The following MEGF8 variants were observed in gnomAD, a reference collection of about 807,000 sequenced individuals.
The protein encoded by MEGF8 is multiple EGF like domains 8, also known as multiple epidermal growth factor-like domains protein 8.
MEGF8 carries 156 observed loss-of-function variants against 302.9 expected under a neutral mutation model. The ratio of observed to expected loss-of-function variants is 0.52; its 90% CI spans 0.45 to 0.59. MEGF8 has a LOEUF of 0.59. MEGF8 is among the 20% of genes least tolerant of loss of function. The pLI, the probability that MEGF8 is intolerant of heterozygous loss-of-function variation, is 0.00. For missense variants in MEGF8, 3,345 were observed against 3,964.5 expected (o/e 0.84, Z 4.20); for synonymous variants, 1,621 against 1,660.5 (o/e 0.98, Z 0.58).
intron 9 of MEGF8, 86 bp from the exon 10 acceptor site, chr19:42,343,868 G>A: frequency 6.6e-7 from 1 of 1,518,214 alleles, no homozygotes. Context: ...GCTAAAGCAA[G>A]CGGGGACTTG....
rs1247208372 is a variant in MEGF8 at position 42,370,177 on chromosome 19, C to T, written c.6835-12C>T. On this transcript the variant is annotated splice_polypyrimidine_tract_variant and intron_variant, in intron 38 of 41. Coordinates refer to ENST00000251268, the MANE Select transcript of MEGF8 (RefSeq NM_001271938.2). ...CTCCAGCCTCTCTAACTACCCTGTC[C>T]TGGGTTCTCAGGGCAGCCACTGTGA... 1 of 1,608,040 alleles carries T rather than the reference C, an allele frequency of 6.2e-7. No individual in the cohort carries two copies.
In MEGF8 at chr19:42,353,944, G is replaced by A. The variant is rs761406257; in HGVS notation, c.3931G>A (p.Glu1311Lys). ...YCVWVVSATE[E>K]LQPCAPGTLC... Reference sequence around the variant, plus strand: ...TGTGTGGGTTGTCTCGGCCACTGAGGAGCTACAGCCCTGTGCTCCCGGGAC... The same window carrying A: ...TGTGTGGGTTGTCTCGGCCACTGAGAAGCTACAGCCCTGTGCTCCCGGGAC... Residue 1311 changes from glutamate to lysine, a missense_variant, in exon 22 of 42, where the codon GAG (glutamate) becomes AAG (lysine). Physicochemically the swap from Glu to Lys is moderately conservative, Grantham distance 56. Transcript: ENST00000251268. This position sits in a 1 kb window ranked among gnomAD's most constrained non-coding sequence, Gnocchi z 6.1. 1 of 1,585,310 alleles carries A rather than the reference G, an allele frequency of 6.3e-7. No homozygotes were observed. The highest frequency in any genetic ancestry group is 8.6e-7 in the Non-Finnish European group (1 of 1,166,168).
At chr19:42,326,480 T>G (rs2038985527) in intron 1 of MEGF8, 50 bp downstream of exon 1, 1 of 1,483,528 alleles carries the variant, frequency 6.7e-7, no homozygotes, top group Admixed American at 2.9e-5. Context: ...AGTTCATTCA[T>G]GTGTGCATTC....
chr19:42,356,970 C>T lies in MEGF8; in HGVS notation c.4819C>T (p.Arg1607Trp), dbSNP rs778751036. The T allele has an allele frequency of 3.3e-5, 53 of 1,600,762 alleles. No individual in the cohort carries two copies. Among genetic ancestry groups the T allele is most frequent in the Non-Finnish European group, 4.3e-5 (50 of 1,174,280 alleles). Reference sequence around the variant, plus strand: ...CCTCAACCTCACCACCCTGCAATGGCGGCAGGAGAAGGTGAGCATCTCTCC... The same window carrying T: ...CCTCAACCTCACCACCCTGCAATGGTGGCAGGAGAAGGTGAGCATCTCTCC... ...WVLNLTTLQW[R>W]QEKAPQTVEL... Residue 1607 changes from arginine to tryptophan, a missense_variant, in exon 27 of 42, where the codon CGG becomes TGG. Transcript: ENST00000251268. This position sits in a 1 kb window ranked among gnomAD's most constrained non-coding sequence, Gnocchi z 5.2.
intron 8 of MEGF8, among the ~76,000 whole-genome samples, chr19:42,340,049 T>G (rs945497012): frequency 7.2e-5 from 11 of 152,056 alleles, no homozygotes; most frequent in Admixed American, 1.3e-4. Flanking sequence ...CAGAGTGAGA[T>G]TCCGTCCCCA....
At position 42,378,514 on chromosome 19, in the gene MEGF8, C is replaced by G. The variant is rs2304211; in HGVS notation, c.*1739C>G. On this transcript the variant is annotated 3_prime_UTR_variant, in exon 42 of 42. Coordinates refer to ENST00000251268, the MANE Select transcript of MEGF8 (RefSeq NM_001271938.2). ...AGGCGCCACCCCGCACCTGAGCCAC[C>G]TCCTTGGACTCCTGTCCTCTACCCC... 6.5e-6 allele frequency: 1 copy of G among 153,908 alleles called. No individual in the cohort carries two copies. The highest frequency in any genetic ancestry group is 2.4e-5 in the African/African-American group (1 of 41,440). 9.5% of individuals were successfully genotyped at this position (153,908 alleles called of 1,614,324 possible).
At chr19:42,340,492 G>A (rs1394630174) in intron 8 of MEGF8, among the ~76,000 whole-genome samples, 1 of 152,172 alleles carries the variant, frequency 6.6e-6, no homozygotes, top group Non-Finnish European at 1.5e-5. Flanking sequence ...GCCTCCCAAA[G>A]TGCTGGGATT....
rs779928251 is a variant in MEGF8, at chr19:42,336,016, A to G, written c.914A>G (p.Asn305Ser). The G allele has an allele frequency of 3.2e-6, 5 of 1,554,606 alleles. No homozygotes were observed. In the South Asian group the frequency reaches 5.9e-5, roughly 18 times the overall value. ...GAGCTGGCTGACGGCTCGCTCACCA[A>G]CGACGTGTGGGCCTTCAGTCCACTG... ...GGELADGSLT[N>S]DVWAFSPLGR... The change falls in exon 6 of 42, where the codon AAC becomes AGC. Residue 305 changes from asparagine to serine, a missense_variant. Transcript: ENST00000251268. The surrounding 1 kb of genome is among the most constrained non-coding windows in gnomAD (Gnocchi z 4.8).
intron 35 of MEGF8, among the ~76,000 whole-genome samples, chr19:42,366,219 G>A (rs1463996778): frequency 6.6e-6 from 1 of 151,706 alleles, no homozygotes; most frequent in Non-Finnish European, 1.5e-5. Context: ...TTCTTTTTTT[G>A]AAACAGAGTC....
intron 35 of MEGF8, 108 bp downstream of exon 35, chr19:42,363,370 C>T (rs1044579420): frequency 2.3e-5 from 22 of 948,116 alleles, no homozygotes; most frequent in Non-Finnish European, 3.4e-5. Flanking sequence ...CTCCTCCTTC[C>T]ATCTCCCTGG....
chr19:42,342,537 T>C (rs751002113), intron 8 of MEGF8, among the ~76,000 whole-genome samples: 1 of 151,552 alleles, frequency 6.6e-6, no homozygotes, highest in Non-Finnish European at 1.5e-5. Flanking sequence ...CTTGGGAGGC[T>C]GAGGCAGGAG....
Position 42,353,827 on chromosome 19 carries a change from G to T in MEGF8, c.3814G>T (p.Val1272Leu), listed in dbSNP as rs770399527. 3.1e-6 allele frequency: 5 copies of T among 1,611,558 alleles called. No homozygotes were observed. The South Asian group carries it at 4.4e-5, about 14-fold the overall frequency. The change falls in exon 22 of 42, where the codon GTG becomes TTG. Residue 1272 changes from valine (V) to leucine (L), a missense_variant. By Grantham distance (32) the Val-to-Leu change is conservative. Transcript: ENST00000251268. The surrounding 1 kb of genome is among the most constrained non-coding windows in gnomAD (Gnocchi z 6.1). ...ECGGRALLTN[V>L]SSVALGSRRV... is the part of the protein sequence containing the mutation. The stretch of plus-strand genomic sequence containing the variant: ...TGGGGGTCGCGCCCTCCTCACCAAC[G>T]TGTCCTCAGTGGCACTGGGCTCACG...
Position 42,358,710 on chromosome 19 carries a change from A to G in MEGF8, c.5176-77A>G. 6.9e-7 allele frequency: 1 copy of G among 1,447,432 alleles called. No homozygotes were observed. Among genetic ancestry groups the G allele is most frequent in the Non-Finnish European group, 9.1e-7 (1 of 1,095,508 alleles). 89.7% of individuals were successfully genotyped at this position (1,447,432 alleles called of 1,614,324 possible). On this transcript the variant is annotated intron_variant, in intron 29 of 41. Transcript: ENST00000251268. This position sits in a 1 kb window ranked among gnomAD's most constrained non-coding sequence, Gnocchi z 4.4. ...GGTGGTTTCAGTCCACACGTTTCCA[A>G]GCCCGTCTTGGAGGCAGGGGGCTAG...
rs1268786153 is a variant in MEGF8, at chr19:42,356,319, C to T, written c.4504-16C>T. ...CTGACCCTAGCCTGATCCCCAATGT[C>T]CGCACCCACCCCTAGGACACTGCCA... On this transcript the variant is annotated splice_polypyrimidine_tract_variant and intron_variant, in intron 25 of 41. Coordinates refer to ENST00000251268, the MANE Select transcript of MEGF8 (RefSeq NM_001271938.2). This position sits in a 1 kb window ranked among gnomAD's most constrained non-coding sequence, Gnocchi z 5.2. The T allele has an allele frequency of 1.2e-6, 2 of 1,606,508 alleles. No individual in the cohort carries two copies. The highest frequency in any genetic ancestry group is 1.7e-5 in the Admixed American group (1 of 58,960).
chr19:42,360,634 C>T (rs1414644965), intron 31 of MEGF8, 141 bp from the exon 32 acceptor site: 21 of 1,459,288 alleles, frequency 1.4e-5, no homozygotes, highest in East Asian at 2.5e-5. Flanking sequence ...TGTGAGCCAC[C>T]GCCCTTGGCC....
Position 42,336,322 on chromosome 19 carries a change from G to A in MEGF8, c.1220G>A (p.Gly407Asp). Residue 407 changes from glycine to aspartate, a missense_variant, in exon 6 of 42, where the codon GGT (glycine) becomes GAT (aspartate). Physicochemically the swap from Gly to Asp is moderately conservative, Grantham distance 94 (BLOSUM62 -1). Coordinates refer to ENST00000251268, the MANE Select transcript of MEGF8 (RefSeq NM_001271938.2). This position sits in a 1 kb window ranked among gnomAD's most constrained non-coding sequence, Gnocchi z 4.8. ...HAPSRALLVH[G>D]GHRPSTARFS... ...CCCTCCCGTGCCCTGCTGGTCCATG[G>A]TGGACACCGGCCCTCCACTGCCCGG... 6.2e-7 allele frequency: 1 copy of A among 1,602,702 alleles called. No homozygotes were observed.
chr19:42,377,057 G>A lies in MEGF8; in HGVS notation c.*282G>A, dbSNP rs2039779776. ...AGGTTCTGGTGAAGGGAGACAATCA[G>A]TGCACATGCACACACCCCACACGCA... On this transcript the variant is annotated 3_prime_UTR_variant, in exon 42 of 42. Transcript: ENST00000251268. The A allele has an allele frequency of 2.2e-5, 9 of 411,796 alleles. No homozygotes were observed. The South Asian group carries it at 7.0e-4, about 32-fold the overall frequency. 25.5% of individuals were successfully genotyped at this position (411,796 alleles called of 1,614,324 possible).
At position 42,336,848 on chromosome 19, in the gene MEGF8, A is replaced by G; in HGVS notation, c.1286A>G (p.Asp429Gly). 6.2e-7 allele frequency: 1 copy of G among 1,609,182 alleles called. No individual in the cohort carries two copies. The highest frequency in any genetic ancestry group is 8.5e-7 in the Non-Finnish European group (1 of 1,177,612). ...RVNSTELFHV[D>G]RHVWTTLKGR... ...AACTCCACTGAGCTTTTCCACGTGGATCGGCATGTGTGGACGACGCTGAAG... is the reference window on the plus strand; with the variant it reads ...AACTCCACTGAGCTTTTCCACGTGGGTCGGCATGTGTGGACGACGCTGAAG... Residue 429 changes from aspartate to glycine, a missense_variant, in exon 7 of 42, where the codon GAT (aspartate) becomes GGT (glycine). Coordinates refer to ENST00000251268, the MANE Select transcript of MEGF8 (RefSeq NM_001271938.2). The surrounding 1 kb of genome is among the most constrained non-coding windows in gnomAD (Gnocchi z 4.8).
chr19:42,331,084 AGTG>A (rs1336952687), intron 1 of MEGF8, among the ~76,000 whole-genome samples: 2 of 152,164 alleles, frequency 1.3e-5, no homozygotes, highest in African/African-American at 2.4e-5. Flanking sequence ...AGGTTGGATC[AGTG>A]GTTCTGGTGA....
Sources: allele counts gnomAD v4.1 joint callset (sites outside exome capture counted in the v4.1 genomes callset), GRCh38; gene constraint gnomAD v4.1.1; non-coding constraint Gnocchi (gnomAD v3.1); transcripts MANE v1.5; gene names NCBI Gene and HGNC (gene_info 2026-07-23, HGNC 2026-07-21).